Variants in KALRN observed in about 807,000 individuals in gnomAD.
The protein encoded by KALRN is kalirin RhoGEF kinase, also known as kalirin.
KALRN carries 70 observed loss-of-function variants against 353.7 expected under a neutral mutation model. The ratio of observed to expected loss-of-function variants is 0.20; its 90% confidence interval spans 0.16 to 0.24. KALRN has a LOEUF of 0.24. Among genes scored for constraint, KALRN ranks in the 10% least tolerant of loss-of-function variants. KALRN has a pLI of 1.00. For missense variants in KALRN, 2,791 were observed against 3,756.7 expected, an observed-to-expected ratio of 0.74 and a Z score of 6.72; for synonymous variants, 1,391 against 1,434.8, an observed-to-expected ratio of 0.97 and a Z score of 0.69.
Position 124,628,157 on chromosome 3 carries a change from CTCCCT to C in KALRN, c.5183-4259_5183-4255del, listed in dbSNP as rs138215208. Among the ~76,000 whole-genome samples, 144 of 49,266 alleles carry C rather than the reference CTCCCT, an allele frequency of 2.9e-3. 1 individual carries two copies. Among genetic ancestry groups the C allele is most frequent in the Non-Finnish European group, 3.8e-3 (102 of 26,510 alleles). 32.3% of individuals were successfully genotyped at this position (49,266 alleles called of 152,430 possible). A position where few individuals can be genotyped will look rare whatever the true frequency, so the allele number is the denominator to read the frequency against. On this transcript the variant is annotated intron_variant, in intron 34 of 59. Transcript: ENST00000682506. ...CCTTCCATCCTCCCTCCCTCCCTCC[CTCCCT>C]TCCTTCCTTCCCTCCCTCCCTCCTT...
At chr3:124,222,874 G>T (rs749165844) in intron 1 of KALRN, among the ~76,000 whole-genome samples, 1 of 152,096 alleles carries the variant, frequency 6.6e-6, no homozygotes, top group Non-Finnish European at 1.5e-5. Flanking sequence ...CAAAGTGCTG[G>T]TATTATAGAT....
Position 124,391,202 on chromosome 3 carries a change from T to C in KALRN, c.1963-3933T>C, listed in dbSNP as rs2089320789. ...TAAAAGAAGGGTCATAGTATACATATATTTTGATCAAGAAGAGAGGGTCTG... is the reference window on the plus strand; with the variant it reads ...TAAAAGAAGGGTCATAGTATACATACATTTTGATCAAGAAGAGAGGGTCTG... On this transcript the variant is annotated intron_variant, in intron 11 of 59. Transcript: ENST00000682506. Among the ~76,000 whole-genome samples the C allele has an allele frequency of 5.3e-5, 8 of 151,898 alleles. No individual in the cohort carries two copies. In the South Asian group the frequency reaches 1.7e-3, roughly 32 times the overall value.
At chr3:124,094,363 T>C (rs1003308924) in intron 1 of KALRN, among the ~76,000 whole-genome samples, 6 of 152,364 alleles carry the variant, frequency 3.9e-5, no homozygotes, top group African/African-American at 1.4e-4. Flanking sequence ...GCTCCTGGAC[T>C]GGCCTCAAAG....
chr3:124,674,374 G>T lies in KALRN; in HGVS notation c.6953G>T (p.Gly2318Val). ...DKFEASKNDL[G>V]GCNGTSSMAV... is the part of the protein sequence containing the mutation. ...CTTATCTCCCAGCAGAACGACCTGG[G>T]AGGCTGCAATGGGACCTCGTCCATG... is the stretch of plus-strand genomic sequence containing the variant. Residue 2318 changes from glycine to valine, a missense_variant, in exon 49 of 60, where the codon GGA (glycine) becomes GTA (valine). Physicochemically the swap from Gly to Val is moderately radical, Grantham distance 109. Around this residue, in one of 11 missense-constraint regions of KALRN, gnomAD observed 1,065 missense variants for 1,156.4 expected, o/e 0.92. Transcript: ENST00000682506. 6.2e-7 allele frequency: 1 copy of T among 1,613,284 alleles called. No individual in the cohort carries two copies. Among genetic ancestry groups the T allele is most frequent in the Non-Finnish European group, 8.5e-7 (1 of 1,179,602 alleles).
chr3:124,378,047 G>A (rs759185289), intron 10 of KALRN, among the ~76,000 whole-genome samples: 1 of 151,986 alleles, frequency 6.6e-6, no homozygotes, highest in African/African-American at 2.4e-5. Context: ...TATATTTAAT[G>A]TGATTGCTGA....
intron 34 of KALRN, among the ~76,000 whole-genome samples, chr3:124,566,972 A>G (rs140068552): frequency 7.8e-4 from 119 of 152,270 alleles, no homozygotes; most frequent in African/African-American, 2.7e-3. Context: ...TGTGAGGGCT[A>G]AGCACCTTGT....
intron 8 of KALRN, among the ~76,000 whole-genome samples, chr3:124,332,257 C>A (rs1560588352): frequency 1.3e-5 from 2 of 152,084 alleles, no homozygotes; most frequent in Non-Finnish European, 1.5e-5. Flanking sequence ...GGAGTAACAT[C>A]TGCTTCTGTA....
At chr3:124,254,117 G>A (rs2071563099) in intron 3 of KALRN, among the ~76,000 whole-genome samples, 1 of 152,160 alleles carries the variant, frequency 6.6e-6, no homozygotes, top group African/African-American at 2.4e-5. Flanking sequence ...TCCTGAGTTA[G>A]GGGTTTTAGT....
Position 124,299,018 on chromosome 3 carries a change from C to T in KALRN, c.1092+105C>T, listed in dbSNP as rs918714172. On this transcript the variant is annotated intron_variant, in intron 6 of 59. Transcript: ENST00000682506. ...TTTCCACCCGAGGAAGAACTGTGAA[C>T]ATGCTGACCCTTTGGTGTTCCATTT... The T allele has an allele frequency of 9.1e-6, 13 of 1,428,520 alleles. No homozygotes were observed. In the African/African-American group the frequency reaches 1.5e-4, roughly 17 times the overall value. The allele number at this position is 1,428,520 out of a possible 1,614,324, so 88.5% of individuals were successfully genotyped here.
intron 10 of KALRN, among the ~76,000 whole-genome samples, chr3:124,351,574 A>G (rs2082835807): frequency 6.6e-6 from 1 of 152,148 alleles, no homozygotes; most frequent in Non-Finnish European, 1.5e-5. Flanking sequence ...CCCTCAACAG[A>G]GGGAATGGCT....
chr3:124,390,471 G>A (rs556862203), intron 11 of KALRN, among the ~76,000 whole-genome samples: 2 of 152,070 alleles, frequency 1.3e-5, no homozygotes, highest in South Asian at 4.2e-4. Flanking sequence ...TCCTCTATCC[G>A]CCAACTCTGG....
intron 3 of KALRN, among the ~76,000 whole-genome samples, chr3:124,261,826 A>G (rs1332671020): frequency 6.6e-6 from 1 of 152,222 alleles, no homozygotes; most frequent in Non-Finnish European, 1.5e-5. Context: ...CGAACCTGAC[A>G]TAGTTGGGCA....
rs116579173 is a variant in KALRN, at chr3:124,584,070, A to T, written c.5182+20981A>T. 7.8e-3 allele frequency among the ~76,000 whole-genome samples: 1,180 copies of T among 151,798 alleles called. 15 individuals carry two copies. The highest frequency in any genetic ancestry group is 0.025 in the African/African-American group (1,043 of 41,336). On this transcript the variant is annotated intron_variant, in intron 34 of 59. Transcript: ENST00000682506. ...AGGAATTCTTTTACATTTTTTTTTTAAATGGGGAAACTGAAGATAAAAGGT... is the reference window on the plus strand; with the variant it reads ...AGGAATTCTTTTACATTTTTTTTTTTAATGGGGAAACTGAAGATAAAAGGT...
In KALRN at chr3:124,553,404, A is replaced by T. The variant is rs144592065; in HGVS notation, c.4936-9439A>T. 1.6e-3 allele frequency among the ~76,000 whole-genome samples: 251 copies of T among 152,360 alleles called. 1 individual carries two copies. Among genetic ancestry groups the T allele is most frequent in the Non-Finnish European group, 2.2e-3 (152 of 68,040 alleles). ...AAAGGGAAATGGTTACCCACATCTG[A>T]ATAACTGAGGTTTGATGACATTTTG... On this transcript the variant is annotated intron_variant, in intron 33 of 59. Transcript: ENST00000682506.
chr3:124,299,499 G>A (rs987418203), intron 6 of KALRN, among the ~76,000 whole-genome samples: 1 of 152,202 alleles, frequency 6.6e-6, no homozygotes, highest in East Asian at 1.9e-4. Context: ...GTGGGATGCA[G>A]TGGGAGACAG....
intron 9 of KALRN, among the ~76,000 whole-genome samples, chr3:124,339,266 G>A (rs2081438653): frequency 6.6e-6 from 1 of 152,090 alleles, no homozygotes; most frequent in South Asian, 2.1e-4. Flanking sequence ...GAGGCCCAGG[G>A]TTAGGGGCAG....
intron 36 of KALRN, 94 bp from the exon 37 acceptor site, chr3:124,637,114 C>T: frequency 9.4e-7 from 1 of 1,061,310 alleles, no homozygotes; most frequent in Middle Eastern, 2.1e-4. Flanking sequence ...CTTCCCTTCC[C>T]TGGCTTGAGC....
chr3:124,227,327 C>T (rs934394567), intron 1 of KALRN, among the ~76,000 whole-genome samples: 12 of 152,172 alleles, frequency 7.9e-5, no homozygotes, highest in African/African-American at 2.9e-4. Flanking sequence ...AGATTTGTAT[C>T]TCCCCATCTC....
intron 18 of KALRN, among the ~76,000 whole-genome samples, chr3:124,439,803 C>T (rs969639929): frequency 6.6e-6 from 1 of 152,178 alleles, no homozygotes; most frequent in African/African-American, 2.4e-5. Flanking sequence ...CCTTGTGAGC[C>T]TCCTTCCCCA....
Sources: gnomAD v4.1 joint callset for allele counts (sites outside exome capture counted in the v4.1 genomes callset) on GRCh38, gnomAD v4.1.1 for gene constraint, gnomAD v4.1.1 regional missense constraint, MANE v1.5 for transcripts, NCBI Gene and HGNC (gene_info 2026-07-23, HGNC 2026-07-21) for gene names.